CCNB3: variants seen among roughly 807,000 people sequenced by gnomAD.
CCNB3 encodes G2/mitotic-specific cyclin-B3.
CCNB3 carries 12 observed loss-of-function variants against 68.0 expected under a neutral mutation model. The observed-to-expected ratio is 0.18, with a 90% confidence interval of 0.11 to 0.29. The LOEUF (loss-of-function observed/expected upper bound fraction) is 0.29, where lower values mean the gene tolerates loss of function less well. Ranked by LOEUF, CCNB3 falls within the 10% of genes least tolerant of loss-of-function variation. The pLI is 1.00. For missense variants in CCNB3, 904 were observed against 993.1 expected, an observed-to-expected ratio of 0.91 and a Z score of 1.21; for synonymous variants, 354 against 388.9, an observed-to-expected ratio of 0.91 and a Z score of 1.06.
In CCNB3 at chrX:50,300,636, A is replaced by G. The variant is rs186601325; in HGVS notation, c.335+5643A>G. Reference sequence around the variant, plus strand: ...CTTGGAGTTGCTCTTCTCGAGGAGTATCTTTGTGGCGTTCTCTGTATTTCC... The same window carrying G: ...CTTGGAGTTGCTCTTCTCGAGGAGTGTCTTTGTGGCGTTCTCTGTATTTCC... On this transcript the variant is annotated intron_variant, in intron 5 of 12. Coordinates refer to ENST00000376042, the MANE Select transcript of CCNB3 (RefSeq NM_033031.3). Among the ~76,000 whole-genome samples the G allele has an allele frequency of 2.7e-3, 300 of 111,096 alleles. 1 individual carries two copies. The highest frequency in any genetic ancestry group is 9.6e-3 in the African/African-American group (293 of 30,600).
At chrX:50,224,327 A>G (rs984369894) in intron 1 of CCNB3, among the ~76,000 whole-genome samples, 33 of 111,026 alleles carry the variant, frequency 3.0e-4, no homozygotes, top group African/African-American at 1.1e-3. Context: ...AGGGAGGAGA[A>G]AGGAGAGTTT....
intron 8 of CCNB3, among the ~76,000 whole-genome samples, chrX:50,326,084 T>C (rs1404849967): frequency 8.9e-6 from 1 of 111,843 alleles, no homozygotes; most frequent in Admixed American, 9.5e-5. Context: ...TCTTTCCATA[T>C]AAGTATAGAT....
intron 9 of CCNB3, among the ~76,000 whole-genome samples, chrX:50,344,835 C>T (rs897272292): frequency 8.9e-6 from 1 of 111,792 alleles, no homozygotes; most frequent in Non-Finnish European, 1.9e-5. Flanking sequence ...TAACTAACCT[C>T]TCTGATTCCC....
chrX:50,279,064 T>G (rs1198942490), intron 1 of CCNB3, among the ~76,000 whole-genome samples: 1 of 58,621 alleles, frequency 1.7e-5, no homozygotes, highest in Non-Finnish European at 2.8e-5. Flanking sequence ...ATATAGAATA[T>G]ATTTATAGAA....
intron 8 of CCNB3, 115 bp from the exon 9 acceptor site, chrX:50,342,087 C>T: frequency 4.6e-6 from 4 of 867,506 alleles, no homozygotes; most frequent in Non-Finnish European, 6.7e-6. Context: ...TAGCAGAGTC[C>T]CAGCTAGTCA....
chrX:50,228,162 G>C (rs1241141531), intron 1 of CCNB3, among the ~76,000 whole-genome samples: 5 of 89,371 alleles, frequency 5.6e-5, no homozygotes, highest in Non-Finnish European at 1.1e-4. Context: ...TATCTACATA[G>C]AATGCATATA....
At chrX:50,336,926 C>A (rs917552589) in intron 8 of CCNB3, among the ~76,000 whole-genome samples, 3 of 111,418 alleles carry the variant, frequency 2.7e-5, no homozygotes, top group Admixed American at 9.5e-5. Flanking sequence ...GCAATCAGCC[C>A]AAGTAGGATT....
intron 4 of CCNB3, among the ~76,000 whole-genome samples, chrX:50,289,882 C>T (rs1464483799): frequency 4.5e-5 from 5 of 111,863 alleles, no homozygotes; most frequent in Admixed American, 9.5e-5. Context: ...TCCTTTAGAT[C>T]GCTGCTCTTT....
At chrX:50,214,510 T>TATATATATATATATATATATATA in intron 1 of CCNB3, among the ~76,000 whole-genome samples, 1 of 8,513 alleles carries the variant, frequency 1.2e-4, no homozygotes, top group Non-Finnish European at 6.4e-4. Context: ...ATATATATAT[T>TATATATATATATATATATATATA]TTAGCTGTGA....
At position 50,342,415 on chromosome X, in the gene CCNB3, A is replaced by G. The variant is rs782461339; in HGVS notation, c.3654+76A>G. 1.0e-4 allele frequency: 102 copies of G among 983,223 alleles called. No individual in the cohort carries two copies. The South Asian group carries it at 2.3e-3, about 22-fold the overall frequency. The allele number at this position is 983,223 out of a possible 1,213,427, so 81.0% of individuals were successfully genotyped here. A position where few individuals can be genotyped will look rare whatever the true frequency, so the allele number is the denominator to read the frequency against. On this transcript the variant is annotated intron_variant, in intron 9 of 12. Coordinates refer to ENST00000376042, the MANE Select transcript of CCNB3 (RefSeq NM_033031.3). Reference sequence around the variant, plus strand: ...CCAGTGAATGAATATATATTCATATATATTCATTGTTATGTGCTGCATAAC... The same window carrying G: ...CCAGTGAATGAATATATATTCATATGTATTCATTGTTATGTGCTGCATAAC...
At chrX:50,220,799 T>C (rs1366190270) in intron 1 of CCNB3, among the ~76,000 whole-genome samples, 1 of 111,891 alleles carries the variant, frequency 8.9e-6, no homozygotes, top group Non-Finnish European at 1.9e-5. Context: ...AGATGAGTTA[T>C]GGAGGAGTAC....
intron 8 of CCNB3, among the ~76,000 whole-genome samples, chrX:50,327,884 T>C (rs2147083304): frequency 9.0e-6 from 1 of 111,603 alleles, no homozygotes; most frequent in South Asian, 3.8e-4. Flanking sequence ...ATTTAAGATA[T>C]GCAATTATCC....
At chrX:50,335,711 C>T (rs1053381461) in intron 8 of CCNB3, among the ~76,000 whole-genome samples, 1 of 111,455 alleles carries the variant, frequency 9.0e-6, no homozygotes, top group African/African-American at 3.3e-5. Flanking sequence ...ATCTCTTGGC[C>T]TGGCTCGGTC....
intron 1 of CCNB3, among the ~76,000 whole-genome samples, chrX:50,226,541 A>G (rs1193647704): frequency 3.2e-4 from 12 of 38,055 alleles, no homozygotes; most frequent in South Asian, 1.1e-3. Flanking sequence ...AGAATATATG[A>G]ATATATATAT....
At chrX:50,205,302 C>T (rs1244313310) in intron 1 of CCNB3, among the ~76,000 whole-genome samples, 1 of 111,438 alleles carries the variant, frequency 9.0e-6, no homozygotes, top group African/African-American at 3.3e-5. Flanking sequence ...ATTAGCCGGG[C>T]GTGGTAGCGC....
intron 8 of CCNB3, among the ~76,000 whole-genome samples, chrX:50,316,856 G>T (rs563346400): frequency 8.9e-6 from 1 of 112,151 alleles, no homozygotes; most frequent in African/African-American, 3.2e-5. Context: ...CCTGTGGAAG[G>T]GTATTTAGTT....
intron 1 of CCNB3, among the ~76,000 whole-genome samples, chrX:50,212,439 C>A (rs1306845880): frequency 1.8e-5 from 2 of 111,788 alleles, no homozygotes; most frequent in Non-Finnish European, 3.8e-5. Flanking sequence ...TGCCACTCTT[C>A]AATGTAACAG....
At chrX:50,306,916 G>A (rs1188426902) in intron 5 of CCNB3, among the ~76,000 whole-genome samples, 1 of 111,496 alleles carries the variant, frequency 9.0e-6, no homozygotes, top group African/African-American at 3.3e-5. Flanking sequence ...AAGAGGTATT[G>A]GTCTGTAGTT....
chrX:50,312,453 G>T, intron 6 of CCNB3, 84 bp from the exon 7 acceptor site: 2 of 769,672 alleles, frequency 2.6e-6, no homozygotes, highest in Non-Finnish European at 4.0e-6. Context: ...ACAGTGGGGA[G>T]AAAGGAGTAA....
Sources: allele counts gnomAD v4.1 joint callset (sites outside exome capture counted in the v4.1 genomes callset), GRCh38; gene constraint gnomAD v4.1.1; transcripts MANE v1.5; gene names NCBI Gene and HGNC (gene_info 2026-07-23, HGNC 2026-07-21).